Variants in ZNF892 observed in about 807,000 individuals in gnomAD.
ZNF892 encodes the protein zinc finger protein 892.
chr2:95,243,771 G>A, the ZNF892 span, among the ~76,000 whole-genome samples: 15 of 151,438 alleles, frequency 9.9e-5, 2 homozygotes, highest in Admixed American at 5.2e-4. Context: ...GGTGAGGGGC[G>A]CCTCAGCCCG....
chr2:95,247,712 T>C, the ZNF892 span, among the ~76,000 whole-genome samples: 1 of 152,054 alleles, frequency 6.6e-6, no homozygotes, highest in Non-Finnish European at 1.5e-5. Flanking sequence ...AAAAAAGACA[T>C]ACAAGTGGCC....
chr2:95,230,783 T>A, the ZNF892 span, among the ~76,000 whole-genome samples: 2 of 152,222 alleles, frequency 1.3e-5, no homozygotes. Context: ...TTTAAAGCTC[T>A]GGGGGTTGCT....
At chr2:95,208,085 C>T in the ZNF892 span, among the ~76,000 whole-genome samples, 1 of 152,288 alleles carries the variant, frequency 6.6e-6, no homozygotes, top group South Asian at 2.1e-4. Context: ...ATAATGACTT[C>T]TTTTTTGATC....
At chr2:95,222,626 T>C in the ZNF892 span, among the ~76,000 whole-genome samples, 1 of 152,234 alleles carries the variant, frequency 6.6e-6, no homozygotes, top group Admixed American at 6.5e-5. Flanking sequence ...TGTGTATCTT[T>C]GATGAAGTGT....
At chr2:95,246,339 A>G in the ZNF892 span, among the ~76,000 whole-genome samples, 1 of 152,216 alleles carries the variant, frequency 6.6e-6, no homozygotes, top group Non-Finnish European at 1.5e-5. Context: ...ATTCTCAATA[A>G]ACTAGGTATT....
the ZNF892 span, among the ~76,000 whole-genome samples, chr2:95,262,283 A>G: frequency 6.6e-6 from 1 of 152,214 alleles, no homozygotes; most frequent in Admixed American, 6.5e-5. Flanking sequence ...AAATGCATCT[A>G]CAGTCAGATA....
chr2:95,210,724 C>CT, the ZNF892 span, among the ~76,000 whole-genome samples: 1 of 152,148 alleles, frequency 6.6e-6, no homozygotes, highest in Non-Finnish European at 1.5e-5. Context: ...AAGTACTAGG[C>CT]TGCTTCAGTG....
At chr2:95,245,195 G>A in the ZNF892 span, among the ~76,000 whole-genome samples, 1 of 150,432 alleles carries the variant, frequency 6.6e-6, no homozygotes, top group Admixed American at 6.6e-5. Context: ...GGAAACCGAA[G>A]GAGAAAGAGA....
the ZNF892 span, among the ~76,000 whole-genome samples, chr2:95,235,837 T>C: frequency 6.6e-6 from 1 of 152,084 alleles, no homozygotes; most frequent in East Asian, 1.9e-4. Context: ...GGGAGAAAAA[T>C]TGGAAATGTA....
the ZNF892 span, among the ~76,000 whole-genome samples, chr2:95,239,892 A>G: frequency 6.6e-6 from 1 of 152,178 alleles, no homozygotes; most frequent in Non-Finnish European, 1.5e-5. Flanking sequence ...GGCCTCCCAA[A>G]GTACTGGGAT....
chr2:95,224,449 G>A, the ZNF892 span, among the ~76,000 whole-genome samples: 2 of 152,168 alleles, frequency 1.3e-5, no homozygotes, highest in Admixed American at 6.5e-5. Flanking sequence ...TACAGGAGGC[G>A]TGGCTGGGGA....
At chr2:95,222,718 CT>C in the ZNF892 span, among the ~76,000 whole-genome samples, 1 of 151,188 alleles carries the variant, frequency 6.6e-6, no homozygotes, top group African/African-American at 2.4e-5. Flanking sequence ...TCTTTTTATT[CT>C]CTTTTATTCA....
the ZNF892 span, chr2:95,259,325 G>T: frequency 6.5e-6 from 1 of 152,954 alleles, no homozygotes; most frequent in African/African-American, 2.4e-5. Flanking sequence ...GTATTTGGGG[G>T]AGATTGGAGG....
chr2:95,251,474 T>C, the ZNF892 span, among the ~76,000 whole-genome samples: 3 of 152,236 alleles, frequency 2.0e-5, no homozygotes, highest in Non-Finnish European at 4.4e-5. Flanking sequence ...TTAGCCTTTC[T>C]TGGACTACCT....
At chr2:95,223,594 T>C in the ZNF892 span, among the ~76,000 whole-genome samples, 1 of 152,114 alleles carries the variant, frequency 6.6e-6, no homozygotes, top group Non-Finnish European at 1.5e-5. Flanking sequence ...AGAAATGGGG[T>C]TTCACCATGT....
At chr2:95,254,358 G>C in the ZNF892 span, among the ~76,000 whole-genome samples, 1 of 152,084 alleles carries the variant, frequency 6.6e-6, no homozygotes, top group East Asian at 1.9e-4. Flanking sequence ...TTTGTTGTTG[G>C]TTCTGTTTAT....
chr2:95,239,351 T>C, the ZNF892 span, among the ~76,000 whole-genome samples: 2 of 152,158 alleles, frequency 1.3e-5, no homozygotes, highest in Non-Finnish European at 2.9e-5. Flanking sequence ...TAAACTTAGT[T>C]GACAAAGCTG....
chr2:95,246,509 C>A, the ZNF892 span, among the ~76,000 whole-genome samples: 5 of 152,052 alleles, frequency 3.3e-5, no homozygotes, highest in African/African-American at 1.2e-4. Context: ...GAAGTTCTGG[C>A]CAGGGAAATC....
the ZNF892 span, among the ~76,000 whole-genome samples, chr2:95,233,836 T>C: frequency 1.3e-4 from 20 of 151,790 alleles, no homozygotes; most frequent in African/African-American, 3.6e-4. Flanking sequence ...TTGAAATGTC[T>C]TGGGGGCTAA....
Sources: allele counts gnomAD v4.1 joint callset (sites outside exome capture counted in the v4.1 genomes callset), GRCh38; gene constraint gnomAD v4.1.1; transcripts MANE v1.5; gene names NCBI Gene and HGNC (gene_info 2026-07-23, HGNC 2026-07-21).